GANC: variants seen among roughly 807,000 people sequenced by gnomAD.
GANC encodes the protein glucosidase alpha, neutral C.
Under a neutral mutation model 124.2 loss-of-function variants are expected in GANC, and 117 were observed. The observed-to-expected ratio is 0.94, with a 90% CI of 0.81 to 1.10. The LOEUF (loss-of-function observed/expected upper bound fraction) is 1.10. Ranked by LOEUF, GANC falls within the 50% of genes least tolerant of loss-of-function variation. GANC has a pLI of 0.00. For missense variants in GANC, 1,140 were observed against 1,095.0 expected (o/e 1.04, Z -0.58); for synonymous variants, 377 against 376.8 (o/e 1.00, Z -0.01).
chr15:42,345,822 C>G lies in GANC; in HGVS notation c.2294C>G (p.Ala765Gly). The G allele has an allele frequency of 1.2e-6, 2 of 1,607,170 alleles. No individual in the cohort carries two copies. Among genetic ancestry groups the G allele is most frequent in the Non-Finnish European group, 1.7e-6 (2 of 1,173,984 alleles). Residue 765 changes from alanine to glycine, a missense_variant, in exon 20 of 24, where the codon GCC becomes GGC. Transcript: ENST00000318010. The part of the protein sequence containing the change: ...EGGCTVKIPV[A>G]LDTIPVFQRG... The stretch of plus-strand genomic sequence containing the variant: ...GGGTGTACTGTAAAGATCCCAGTAG[C>G]CTTGGACACTGTAAGTTATTTTCAG...
intron 11 of GANC, 150 bp from the exon 12 acceptor site, chr15:42,326,148 G>A (rs2052196550): frequency 8.2e-6 from 5 of 612,044 alleles, no homozygotes; most frequent in Non-Finnish European, 1.5e-5. Flanking sequence ...TTTATTTTTT[G>A]TTTTTGTTTT....
chr15:42,285,455 ACTAAGGT>A (rs1336247861), intron 3 of GANC, among the ~76,000 whole-genome samples: 1 of 152,236 alleles, frequency 6.6e-6, no homozygotes, highest in East Asian at 1.9e-4. Context: ...GGAAATGCAT[ACTAAGGT>A]CTAAGGAAAG....
chr15:42,282,671 T>A (rs920432037), intron 3 of GANC, among the ~76,000 whole-genome samples: 5 of 152,190 alleles, frequency 3.3e-5, no homozygotes, highest in African/African-American at 1.2e-4. Context: ...TTTGAATTTC[T>A]CCCTCTCAAT....
intron 15 of GANC, among the ~76,000 whole-genome samples, chr15:42,337,136 T>C (rs2052289040): frequency 6.6e-6 from 1 of 152,214 alleles, no homozygotes; most frequent in South Asian, 2.1e-4. Context: ...TTACTAGGTA[T>C]ATACCCAAAG....
chr15:42,276,413 A>T lies in GANC; in HGVS notation c.92+3A>T. The T allele has an allele frequency of 7.4e-7, 1 of 1,351,934 alleles. No individual in the cohort carries two copies. Among genetic ancestry groups the T allele is most frequent in the East Asian group, 2.3e-5 (1 of 43,330 alleles). 83.7% of individuals were successfully genotyped at this position (1,351,934 alleles called of 1,614,324 possible). On this transcript the variant is annotated splice_donor_region_variant and intron_variant, in intron 2 of 23. Coordinates refer to ENST00000318010, the MANE Select transcript of GANC (RefSeq NM_198141.3). Reference sequence around the variant, plus strand: ...TGTAACAAGATCGCATTTTACAGGTAAGGAAAATAAATATAGTAGCTAGAT... The same window carrying T: ...TGTAACAAGATCGCATTTTACAGGTTAGGAAAATAAATATAGTAGCTAGAT...
intron 3 of GANC, among the ~76,000 whole-genome samples, chr15:42,280,635 C>A (rs1037893881): frequency 3.3e-5 from 5 of 152,164 alleles, no homozygotes; most frequent in African/African-American, 1.2e-4. Flanking sequence ...TTTCCTGTTT[C>A]CATTGTGTCT....
chr15:42,310,840 C>T lies in GANC; in HGVS notation c.1051C>T (p.Leu351Phe). 6.2e-7 allele frequency: 1 copy of T among 1,610,694 alleles called. No individual in the cohort carries two copies. Among genetic ancestry groups the T allele is most frequent in the Non-Finnish European group, 8.5e-7 (1 of 1,177,118 alleles). ...TGATGTCTTCAAACAGTACTCACAC[C>T]TTACAGGTATTTGCACGAAGAAGTG... ...PSDVFKQYSH[L>F]TGTQAMPPLF... Residue 351 changes from leucine (L) to phenylalanine (F), a missense_variant, in exon 10 of 24, where the codon CTT (leucine) becomes TTT (phenylalanine). Leu to Phe is a conservative substitution (Grantham distance 22). Transcript: ENST00000318010.
Position 42,280,840 on chromosome 15 carries a change from C to T in GANC, c.201+2250C>T, listed in dbSNP as rs938561292. The T allele has an allele frequency of 6.1e-6, 4 of 660,628 alleles. No individual in the cohort carries two copies. In the African/African-American group the frequency reaches 7.2e-5, roughly 12 times the overall value. 40.9% of individuals were successfully genotyped at this position (660,628 alleles called of 1,614,324 possible). ...GTGATACCAGTTTGCGGTGGACACC[C>T]ACATATGCCATTTCACGTTACTGTA... On this transcript the variant is annotated intron_variant, in intron 3 of 23. Coordinates refer to ENST00000318010, the MANE Select transcript of GANC (RefSeq NM_198141.3).
Position 42,292,912 on chromosome 15 carries a change from A to C in GANC, c.507A>C (p.Lys169Asn). ...TTGAGCATCTACAGATTCTTCACAAACAAAGGTATTCTTATGCATTACTTG... is the reference window on the plus strand; with the variant it reads ...TTGAGCATCTACAGATTCTTCACAACCAAAGGTATTCTTATGCATTACTTG... ...LYFEHLQILH[K>N]QRAAKENEEE... Residue 169 changes from lysine to asparagine, a missense_variant, in exon 5 of 24, where the codon AAA becomes AAC. Transcript: ENST00000318010. 6.2e-7 allele frequency: 1 copy of C among 1,613,806 alleles called. No individual in the cohort carries two copies. Among genetic ancestry groups the C allele is most frequent in the Non-Finnish European group, 8.5e-7 (1 of 1,179,734 alleles).
chr15:42,301,741 T>G (rs71474483), intron 6 of GANC, among the ~76,000 whole-genome samples: 1 of 152,182 alleles, frequency 6.6e-6, no homozygotes, highest in Non-Finnish European at 1.5e-5. Flanking sequence ...GCACCTGGAA[T>G]TTTGAGCTGG....
At chr15:42,313,808 C>G (rs765830) in intron 10 of GANC, 390,066 of 493,526 alleles carry the variant, frequency 0.79, 159,226 homozygotes, top group Non-Finnish European at 0.87. Context: ...TGGCTCACGC[C>G]TGTAATCCCA....
chr15:42,288,083 A>G (rs1156262441), intron 4 of GANC, among the ~76,000 whole-genome samples: 1 of 152,148 alleles, frequency 6.6e-6, no homozygotes, highest in African/African-American at 2.4e-5. Context: ...AACGGGGAGA[A>G]GCAGAACTTT....
chr15:42,339,854 C>T lies in GANC; in HGVS notation c.2029C>T (p.Leu677=). ...AGCCATCAGAGAGCGCTATGGCCTC[C>T]TGCCATATTGGTATTCTCTGTTCTA... ...REAIRERYGL[L]PYWYSLFYHA... is the part of the protein sequence containing the mutation. Residue 677 remains leucine, a synonymous_variant, in exon 17 of 24, where the codon CTG becomes TTG. Coordinates refer to ENST00000318010, the MANE Select transcript of GANC (RefSeq NM_198141.3). The T allele has an allele frequency of 6.2e-7, 1 of 1,614,068 alleles. No individual in the cohort carries two copies. Among genetic ancestry groups the T allele is most frequent in the Non-Finnish European group, 8.5e-7 (1 of 1,179,942 alleles).
At chr15:42,304,151 C>G in intron 6 of GANC, among the ~76,000 whole-genome samples, 1 of 152,196 alleles carries the variant, frequency 6.6e-6, no homozygotes, top group Admixed American at 6.5e-5. Flanking sequence ...TCATAACAAA[C>G]AGTTTTTCAG....
rs2051903492 is a variant in GANC, at chr15:42,297,598, T to TA, written c.513-12dup. ...TGCCATTGAGTGAAACAACTTTATT[T>TA]ACGTTAAAACAGAGCTGCTAAAGAA... is the stretch of plus-strand genomic sequence containing the variant. On this transcript the variant is annotated splice_polypyrimidine_tract_variant and intron_variant, in intron 5 of 23. Transcript: ENST00000318010. 7 of 1,608,350 alleles carry TA rather than the reference T, an allele frequency of 4.4e-6. No homozygotes were observed. The highest frequency in any genetic ancestry group is 3.4e-5 in the Admixed American group (2 of 59,484).
intron 8 of GANC, among the ~76,000 whole-genome samples, chr15:42,308,846 C>T (rs1351546506): frequency 2.0e-5 from 3 of 152,034 alleles, no homozygotes; most frequent in Non-Finnish European, 4.4e-5. Context: ...AACTATAATA[C>T]TGAACCTAGA....
intron 20 of GANC, among the ~76,000 whole-genome samples, chr15:42,347,662 A>G (rs2052377680): frequency 6.6e-6 from 1 of 152,226 alleles, no homozygotes; most frequent in Admixed American, 6.5e-5. Context: ...CATCAGTTAT[A>G]CATACACACA....
At position 42,310,469 on chromosome 15, in the gene GANC, C is replaced by A; in HGVS notation, c.903+6C>A. ...ATACAGAGCCTGCAGTAGAGGTGAG[C>A]TATTTATCATGGCTACATGTCATAC... On this transcript the variant is annotated splice_donor_region_variant and intron_variant, in intron 9 of 23. Transcript: ENST00000318010. The A allele has an allele frequency of 6.3e-7, 1 of 1,587,752 alleles. No homozygotes were observed. Among genetic ancestry groups the A allele is most frequent in the Non-Finnish European group, 8.6e-7 (1 of 1,164,582 alleles).
chr15:42,348,178 GA>G lies in GANC; in HGVS notation c.2382del (p.Glu794AspfsTer10). The G allele has an allele frequency of 6.2e-7, 1 of 1,612,526 alleles. No individual in the cohort carries two copies. Among genetic ancestry groups the G allele is most frequent in the Non-Finnish European group, 8.5e-7 (1 of 1,179,416 alleles). On this transcript the variant is annotated frameshift_variant, in exon 21 of 24. Coordinates refer to ENST00000318010, the MANE Select transcript of GANC (RefSeq NM_198141.3). LOFTEE classifies it high-confidence loss of function. ...TVGKSTGWMT[E>X]SSYGLRVALS... ...AGGAAAATCCACAGGCTGGATGACT[GA>G]ATCCTCCTATGGACTCCGGGTTGCT...
Sources: gnomAD v4.1 joint callset for allele counts (sites outside exome capture counted in the v4.1 genomes callset) on GRCh38, gnomAD v4.1.1 for gene constraint, MANE v1.5 for transcripts, NCBI Gene and HGNC (gene_info 2026-07-23, HGNC 2026-07-21) for gene names.